PTPRN2: variants seen among roughly 807,000 people sequenced by gnomAD.
The protein encoded by PTPRN2 is protein tyrosine phosphatase receptor type N2.
In PTPRN2, 74 loss-of-function variants were observed where a neutral mutation model predicts 118.8. That is an observed-to-expected ratio of 0.62 (90% CI 0.52 to 0.76). PTPRN2 has a LOEUF of 0.76. Ranked by LOEUF, PTPRN2 falls within the 30% of genes least tolerant of loss-of-function variation. The pLI, the probability that PTPRN2 is intolerant of heterozygous loss-of-function variation, is 0.00. For missense variants in PTPRN2, 1,481 were observed against 1,394.4 expected, an observed-to-expected ratio of 1.06 and a Z score of -0.99; for synonymous variants, 641 against 608.0, an observed-to-expected ratio of 1.05 and a Z score of -0.80.
At chr7:158,548,353 G>A (rs868684468) in intron 1 of PTPRN2, among the ~76,000 whole-genome samples, 4 of 152,172 alleles carry the variant, frequency 2.6e-5, no homozygotes, top group South Asian at 2.1e-4. Flanking sequence ...CACTGCCACC[G>A]AGGTCACTGG....
intron 3 of PTPRN2, among the ~76,000 whole-genome samples, chr7:158,210,139 T>C (rs1827484168): frequency 1.4e-5 from 2 of 144,630 alleles, no homozygotes; most frequent in Admixed American, 1.4e-4. Flanking sequence ...ATCTTTTTTT[T>C]TTTTTTTTTT....
chr7:157,553,209 G>T (rs1221556953), intron 21 of PTPRN2, among the ~76,000 whole-genome samples: 1 of 152,224 alleles, frequency 6.6e-6, no homozygotes, highest in Non-Finnish European at 1.5e-5. Context: ...CTCTCCGTTA[G>T]GTGGCTTTAG....
rs528941594 is a variant in PTPRN2, at chr7:158,463,555, T to TC, written c.163+26179dup. Among the ~76,000 whole-genome samples, 335 of 152,076 alleles carry TC rather than the reference T, an allele frequency of 2.2e-3. 4 individuals carry two copies. Among genetic ancestry groups the TC allele is most frequent in the Non-Finnish European group, 4.4e-4 (30 of 67,984 alleles). ...CATATCATCATCATTGTTATCACCA[T>TC]CCTCATTGTCATCATCATTGTTGTC... On this transcript the variant is annotated intron_variant, in intron 2 of 22. Transcript: ENST00000389418.
chr7:158,323,249 C>T (rs1237742969), intron 2 of PTPRN2, among the ~76,000 whole-genome samples: 1 of 152,174 alleles, frequency 6.6e-6, no homozygotes, highest in Non-Finnish European at 1.5e-5. Flanking sequence ...CCTCACACCC[C>T]CAGAGTTCTG....
Position 157,801,329 on chromosome 7 carries a change from G to A in PTPRN2, c.1788+97344C>T, listed in dbSNP as rs539937130. Among the ~76,000 whole-genome samples, 3 of 152,262 alleles carry A rather than the reference G, an allele frequency of 2.0e-5. No homozygotes were observed. Among genetic ancestry groups the A allele is most frequent in the East Asian group, 1.9e-4 (1 of 5,176 alleles). On this transcript the variant is annotated intron_variant, in intron 12 of 22. Coordinates refer to ENST00000389418, the MANE Select transcript of PTPRN2 (RefSeq NM_002847.5). The surrounding 1 kb of genome is among the most constrained non-coding windows in gnomAD (Gnocchi z 4.2). The stretch of plus-strand genomic sequence containing the variant: ...GCAACGGCGGTGAGGCAGGATGAAC[G>A]GCCTCATCCACGGAGCACTGCTTTG...
intron 9 of PTPRN2, among the ~76,000 whole-genome samples, chr7:158,127,314 GTCC>G (rs1275842596): frequency 2.2e-4 from 33 of 151,528 alleles, no homozygotes; most frequent in Admixed American, 2.2e-3. Context: ...TGCACCCTGC[GTCC>G]TCCTCTGCTT....
At chr7:158,491,634 C>T (rs7784243) in intron 1 of PTPRN2, among the ~76,000 whole-genome samples, 40,370 of 151,924 alleles carry the variant, frequency 0.27, 5,492 homozygotes, top group South Asian at 0.37. Flanking sequence ...GGACTACAGG[C>T]GTGCGCCAGC....
chr7:158,331,055 C>T (rs1804301034), intron 2 of PTPRN2, among the ~76,000 whole-genome samples: 2 of 145,806 alleles, frequency 1.4e-5, no homozygotes, highest in African/African-American at 2.6e-5. Context: ...CACCTGCAGA[C>T]GTCACTCACA....
intron 9 of PTPRN2, among the ~76,000 whole-genome samples, chr7:158,130,971 T>A (rs932927872): frequency 6.9e-6 from 1 of 145,488 alleles, no homozygotes; most frequent in Non-Finnish European, 1.5e-5. Context: ...AACACACACA[T>A]ATACACAAAC....
intron 2 of PTPRN2, among the ~76,000 whole-genome samples, chr7:158,327,576 G>A (rs189782879): frequency 2.0e-4 from 30 of 152,314 alleles, no homozygotes; most frequent in Middle Eastern, 3.4e-3. Flanking sequence ...ACATGTACAT[G>A]TTCTCATGTA....
intron 19 of PTPRN2, chr7:157,574,280 C>T: frequency 4.2e-6 from 2 of 470,620 alleles, no homozygotes; most frequent in Admixed American, 4.0e-5. Context: ...CAAGCAAGGT[C>T]AGAGGTCGTT....
At chr7:157,765,200 G>A (rs1802379940) in intron 12 of PTPRN2, among the ~76,000 whole-genome samples, 1 of 133,978 alleles carries the variant, frequency 7.5e-6, no homozygotes, top group African/African-American at 2.9e-5. Context: ...ATTCCTCCAT[G>A]CATCCATCCT....
At chr7:157,975,792 C>T (rs767384208) in intron 11 of PTPRN2, among the ~76,000 whole-genome samples, 4 of 152,066 alleles carry the variant, frequency 2.6e-5, no homozygotes, top group Non-Finnish European at 4.4e-5. Context: ...TAAATAACCA[C>T]CAGGTACCTA....
chr7:158,492,831 C>T (rs899756035), intron 1 of PTPRN2, among the ~76,000 whole-genome samples: 27 of 152,370 alleles, frequency 1.8e-4, no homozygotes, highest in African/African-American at 4.3e-4. Context: ...CCAGCCCAGG[C>T]GCCTCGGGCA....
In PTPRN2 at chr7:158,262,978, CAT is replaced by C. The variant is rs1172879464; in HGVS notation, c.277+53839_277+53840del. On this transcript the variant is annotated intron_variant, in intron 3 of 22. Coordinates refer to ENST00000389418, the MANE Select transcript of PTPRN2 (RefSeq NM_002847.5). ...CATACACACATTCACACACTGCACACATACAGATTCACACACATTGCACACAC... is the reference window on the plus strand; with the variant it reads ...CATACACACATTCACACACTGCACACACAGATTCACACACATTGCACACAC... 1.5e-3 allele frequency among the ~76,000 whole-genome samples: 176 copies of C among 116,022 alleles called. 1 individual carries two copies. Among genetic ancestry groups the C allele is most frequent in the Non-Finnish European group, 2.1e-3 (117 of 56,244 alleles). 76.1% of individuals were successfully genotyped at this position (116,022 alleles called of 152,430 possible). A position where few individuals can be genotyped will look rare whatever the true frequency, so the allele number is the denominator to read the frequency against.
chr7:158,582,331 G>A (rs1046708152), intron 1 of PTPRN2, among the ~76,000 whole-genome samples: 47 of 152,282 alleles, frequency 3.1e-4, no homozygotes, highest in Admixed American at 1.3e-4. Context: ...GTTCTCAGCC[G>A]AGGCTCATCT....
At chr7:158,122,381 G>A (rs1817244932) in intron 9 of PTPRN2, among the ~76,000 whole-genome samples, 1 of 152,232 alleles carries the variant, frequency 6.6e-6, no homozygotes, top group South Asian at 2.1e-4. Context: ...GAGGCTCAGA[G>A]TAAGAAGTGA....
intron 12 of PTPRN2, among the ~76,000 whole-genome samples, chr7:157,754,077 G>A (rs1424888486): frequency 2.0e-5 from 3 of 152,242 alleles, no homozygotes; most frequent in African/African-American, 4.8e-5. Context: ...GGGATCTGTG[G>A]CAACCCAGGA....
chr7:157,554,492 A>C (rs956932654), intron 21 of PTPRN2, among the ~76,000 whole-genome samples: 5 of 152,176 alleles, frequency 3.3e-5, no homozygotes, highest in African/African-American at 1.2e-4. Context: ...GTCCCCCTTC[A>C]CTTGATAAAA....
Sources: gnomAD v4.1 joint callset for allele counts (sites outside exome capture counted in the v4.1 genomes callset) on GRCh38, gnomAD v4.1.1 for gene constraint, Gnocchi (gnomAD v3.1) non-coding constraint, MANE v1.5 for transcripts, NCBI Gene and HGNC (gene_info 2026-07-23, HGNC 2026-07-21) for gene names.